GPM6A: variants seen among roughly 807,000 people sequenced by gnomAD.
The protein encoded by GPM6A is neuronal membrane glycoprotein M6-a.
GPM6A carries 7 observed loss-of-function variants against 32.1 expected under a neutral mutation model. That is an observed-to-expected ratio of 0.22 (90% confidence interval 0.12 to 0.41). GPM6A has a LOEUF of 0.41. Among genes scored for constraint, GPM6A ranks in the 10% least tolerant of loss-of-function variants. The pLI is 1.00. For synonymous variants in GPM6A, 130 were observed against 123.4 expected (o/e 1.05, Z -0.35); for missense variants, 235 against 347.2 (o/e 0.68, Z 2.57).
At chr4:175,941,727 T>C (rs886276856) in intron 1 of GPM6A, among the ~76,000 whole-genome samples, 3 of 152,242 alleles carry the variant, frequency 2.0e-5, no homozygotes, top group African/African-American at 7.2e-5. Flanking sequence ...ATCTTTTTTA[T>C]GGCTGCATAG....
intron 3 of GPM6A, among the ~76,000 whole-genome samples, chr4:175,652,257 A>G (rs1741853354): frequency 6.6e-6 from 1 of 152,190 alleles, no homozygotes; most frequent in African/African-American, 2.4e-5. Context: ...CTCTTCATCC[A>G]TGTATTTAAC....
intron 1 of GPM6A, among the ~76,000 whole-genome samples, chr4:175,892,909 C>T (rs1278168533): frequency 6.6e-6 from 1 of 152,190 alleles, no homozygotes; most frequent in African/African-American, 2.4e-5. Context: ...GGGTGCTTGG[C>T]ATTTCATCAT....
At chr4:175,762,138 T>C (rs576647578) in intron 1 of GPM6A, among the ~76,000 whole-genome samples, 53 of 152,326 alleles carry the variant, frequency 3.5e-4, no homozygotes, top group African/African-American at 1.3e-3. Context: ...GTTCTTCAGA[T>C]GCAAGTGTCC....
intron 1 of GPM6A, among the ~76,000 whole-genome samples, chr4:175,775,752 T>C (rs1045281504): frequency 1.3e-5 from 2 of 152,158 alleles, no homozygotes; most frequent in Admixed American, 1.3e-4. Context: ...GCAAGTCATA[T>C]AAATATACTC....
At chr4:175,968,175 A>C (rs1740388092) in intron 1 of GPM6A, among the ~76,000 whole-genome samples, 1 of 152,080 alleles carries the variant, frequency 6.6e-6, no homozygotes, top group Non-Finnish European at 1.5e-5. Context: ...TGAAAAAAAA[A>C]ACAGCCTTTT....
intron 1 of GPM6A, among the ~76,000 whole-genome samples, chr4:175,744,496 T>C (rs978009444): frequency 6.6e-6 from 1 of 151,954 alleles, no homozygotes; most frequent in African/African-American, 2.4e-5. Context: ...CAATATAATA[T>C]AAAAATTTAA....
At chr4:175,879,616 C>T (rs1737204270) in intron 1 of GPM6A, among the ~76,000 whole-genome samples, 1 of 152,134 alleles carries the variant, frequency 6.6e-6, no homozygotes, top group Non-Finnish European at 1.5e-5. Context: ...CACCTGTTCC[C>T]ACCCTTGACA....
chr4:175,902,536 T>C (rs1737999966), intron 1 of GPM6A, among the ~76,000 whole-genome samples: 1 of 152,112 alleles, frequency 6.6e-6, no homozygotes, highest in Admixed American at 6.5e-5. Context: ...CAGTAAGGAA[T>C]AGGCAACATG....
intron 1 of GPM6A, among the ~76,000 whole-genome samples, chr4:175,916,653 T>C (rs1202486702): frequency 3.3e-5 from 5 of 152,170 alleles, no homozygotes; most frequent in African/African-American, 9.7e-5. Flanking sequence ...CTGAAGAGTG[T>C]ATACATTATG....
chr4:175,800,748 A>G (rs1579516392), intron 1 of GPM6A: 1 of 195,450 alleles, frequency 5.1e-6, no homozygotes, highest in East Asian at 1.9e-4. Flanking sequence ...CTGAAATGGT[A>G]TATAACTCTT....
At chr4:175,803,957 A>G (rs1734577500) in intron 1 of GPM6A, among the ~76,000 whole-genome samples, 1 of 148,802 alleles carries the variant, frequency 6.7e-6, no homozygotes, top group East Asian at 1.9e-4. Context: ...CATTCTTTTC[A>G]CTGTAAAATG....
chr4:175,752,514 T>C (rs1459294496), intron 1 of GPM6A, among the ~76,000 whole-genome samples: 11 of 152,046 alleles, frequency 7.2e-5, no homozygotes. Flanking sequence ...AATGTGGTGA[T>C]CCCTCCTCTA....
At chr4:175,677,325 G>T (rs1285870519) in intron 2 of GPM6A, among the ~76,000 whole-genome samples, 1 of 152,084 alleles carries the variant, frequency 6.6e-6, no homozygotes, top group Non-Finnish European at 1.5e-5. Flanking sequence ...GAAGTGAGGG[G>T]TTTAACATCT....
intron 1 of GPM6A, among the ~76,000 whole-genome samples, chr4:175,736,339 G>A (rs1460903887): frequency 6.6e-6 from 1 of 152,166 alleles, no homozygotes; most frequent in Non-Finnish European, 1.5e-5. Context: ...CTTGTAGAAA[G>A]GATTCTTAGA....
At chr4:175,984,990 T>C (rs1055247930) in intron 1 of GPM6A, among the ~76,000 whole-genome samples, 1 of 152,204 alleles carries the variant, frequency 6.6e-6, no homozygotes, top group African/African-American at 2.4e-5. Context: ...ACCACAGTTG[T>C]AATTACTGTA....
chr4:175,920,588 C>T (rs1579628065), intron 1 of GPM6A, among the ~76,000 whole-genome samples: 2 of 152,098 alleles, frequency 1.3e-5, no homozygotes, highest in African/African-American at 2.4e-5. Flanking sequence ...TGGCTTATGC[C>T]TGTAATACTA....
chr4:175,829,054 G>A (rs1735525243), intron 1 of GPM6A, among the ~76,000 whole-genome samples: 1 of 152,084 alleles, frequency 6.6e-6, no homozygotes, highest in Non-Finnish European at 1.5e-5. Flanking sequence ...CTCCCAAGTA[G>A]CTGGAACTAC....
upstream of GPM6A, among the ~76,000 whole-genome samples, chr4:175,816,293 T>C (rs1389570169): frequency 6.6e-6 from 1 of 152,250 alleles, no homozygotes; most frequent in African/African-American, 2.4e-5. Context: ...TAAGAAATGT[T>C]TATAATGTAT....
chr4:175,766,213 A>C lies in GPM6A; in HGVS notation c.37+45978T>G, dbSNP rs139054618. ...AATGTTATTCTTTGATCTCTAGAAT[A>C]GTTCATGTAATTAAAATTTTCATAA... On this transcript the variant is annotated intron_variant, in intron 1 of 6. Transcript: ENST00000393658. 3.6e-3 allele frequency among the ~76,000 whole-genome samples: 552 copies of C among 152,342 alleles called. 2 individuals carry two copies. The highest frequency in any genetic ancestry group is 6.7e-3 in the Non-Finnish European group (455 of 68,022).
Sources: gnomAD v4.1 joint callset for allele counts (sites outside exome capture counted in the v4.1 genomes callset) on GRCh38, gnomAD v4.1.1 for gene constraint, MANE v1.5 for transcripts, NCBI Gene and HGNC (gene_info 2026-07-23, HGNC 2026-07-21) for gene names.